Variants in SMC4 observed in about 807,000 individuals in gnomAD.
The protein encoded by SMC4 is structural maintenance of chromosomes protein 4.
A neutral mutation model predicts 145.6 loss-of-function variants in SMC4; 87 were observed. The ratio of observed to expected loss-of-function variants is 0.60; its 90% confidence interval spans 0.50 to 0.71. The LOEUF is 0.71. Ranked by LOEUF, SMC4 falls within the 30% of genes least tolerant of loss-of-function variation. The probability of loss-of-function intolerance (pLI) is 0.00; values close to 1 mark genes in which losing one functional copy is unlikely to be tolerated. For synonymous variants in SMC4, 558 were observed against 500.7 expected (o/e 1.11, Z -1.53); for missense variants, 1,447 against 1,537.1 (o/e 0.94, Z 0.98).
chr3:160,412,159 A>G, intron 6 of SMC4, 75 bp downstream of exon 6: 1 of 1,512,072 alleles, frequency 6.6e-7, no homozygotes, highest in East Asian at 2.3e-5. Flanking sequence ...TAAGTCAGAT[A>G]TTCATGTTAT....
At chr3:160,429,091 G>A (rs748160710) in intron 18 of SMC4, 149 bp downstream of exon 18, 11 of 647,564 alleles carry the variant, frequency 1.7e-5, no homozygotes, top group Non-Finnish European at 2.3e-5. Flanking sequence ...CTTCCATGAC[G>A]GAAAACCTAT....
At chr3:160,429,748 G>A (rs896974855) in intron 18 of SMC4, among the ~76,000 whole-genome samples, 15 of 134,302 alleles carry the variant, frequency 1.1e-4, no homozygotes, top group South Asian at 2.3e-4. Flanking sequence ...AGACAGTCTC[G>A]CTCTGCCATC....
chr3:160,412,354 A>G lies in SMC4; in HGVS notation c.881A>G (p.Glu294Gly), dbSNP rs1349679053. 1.2e-6 allele frequency: 2 copies of G among 1,600,544 alleles called. No homozygotes were observed. The highest frequency in any genetic ancestry group is 4.5e-5 in the East Asian group (2 of 44,668). Residue 294 changes from glutamate (E) to glycine (G), a missense_variant, in exon 7 of 24, where the codon GAA (glutamate) becomes GGA (glycine). Coordinates refer to ENST00000357388, the MANE Select transcript of SMC4 (RefSeq NM_001002800.3). ...KLNRVKMVEK[E>G]KDALEGEKNI... Reference sequence around the variant, plus strand: ...AACAGGGTAAAGATGGTGGAAAAGGAAAAGGATGCCTTAGAAGGAGAGAAA... The same window carrying G: ...AACAGGGTAAAGATGGTGGAAAAGGGAAAGGATGCCTTAGAAGGAGAGAAA...
chr3:160,423,374 TTTTC>T (rs1484303695), intron 13 of SMC4, 47 bp from the exon 14 acceptor site: 13 of 1,050,984 alleles, frequency 1.2e-5, no homozygotes, highest in South Asian at 2.1e-5. Context: ...TTTTTTTGAG[TTTTC>T]TTTTTTGTTA....
In SMC4 at chr3:160,431,110, C is replaced by CTT; in HGVS notation, c.3020_3021dup (p.Gln1008PhefsTer10). The CTT allele has an allele frequency of 6.2e-7, 1 of 1,607,726 alleles. No individual in the cohort carries two copies. Among genetic ancestry groups the CTT allele is most frequent in the East Asian group, 2.2e-5 (1 of 44,524 alleles). On this transcript the variant is annotated frameshift_variant, in exon 20 of 24. Transcript: ENST00000357388. LOFTEE classifies it high-confidence loss of function. ...AGTTATTCAAGAAAATGAACATGCT[C>CTT]TTCAAAAAGATGCACTTAGTATTAA...
At chr3:160,404,085 T>G in intron 4 of SMC4, 1 of 402,894 alleles carries the variant, frequency 2.5e-6, no homozygotes, top group Non-Finnish European at 4.4e-6. Flanking sequence ...GGTTTTTTCG[T>G]TGGCTGGTTG....
intron 12 of SMC4, among the ~76,000 whole-genome samples, chr3:160,419,886 C>T (rs1014059300): frequency 1.3e-5 from 2 of 152,080 alleles, no homozygotes; most frequent in Non-Finnish European, 2.9e-5. Context: ...AGAAGGATCA[C>T]TTGAGCCTAG....
Position 160,434,628 on chromosome 3 carries a change from G to A in SMC4, c.*819G>A, listed in dbSNP as rs1045072691. ...TAATTACTTTAGTAATAAGTGGAAA[G>A]TAAGATACCTTGAGTAATGTTTGCC... On this transcript the variant is annotated 3_prime_UTR_variant, in exon 24 of 24. Transcript: ENST00000357388. 1 of 152,206 alleles carries A rather than the reference G, an allele frequency of 6.6e-6. No homozygotes were observed. The highest frequency in any genetic ancestry group is 2.4e-5 in the African/African-American group (1 of 41,462). 9.4% of individuals were successfully genotyped at this position (152,206 alleles called of 1,614,324 possible).
chr3:160,418,341 T>A (rs1716804184), intron 11 of SMC4, among the ~76,000 whole-genome samples: 1 of 152,204 alleles, frequency 6.6e-6, no homozygotes, highest in Non-Finnish European at 1.5e-5. Flanking sequence ...AATTTATGGA[T>A]GTAGTTTCTT....
At chr3:160,413,194 A>G (rs1453952804) in intron 7 of SMC4, among the ~76,000 whole-genome samples, 1 of 151,586 alleles carries the variant, frequency 6.6e-6, no homozygotes, top group Admixed American at 6.6e-5. Context: ...ATGTTGCCCA[A>G]GCTGGTCTCA....
At chr3:160,411,796 C>T (rs552366792) in intron 5 of SMC4, 124 bp from the exon 6 acceptor site, 114 of 675,830 alleles carry the variant, frequency 1.7e-4, no homozygotes, top group Middle Eastern at 4.3e-4. Context: ...CATTGCACTA[C>T]TAACTGTACA....
Position 160,420,912 on chromosome 3 carries a change from G to C in SMC4, c.2019+11G>C. 1 of 1,584,318 alleles carries C rather than the reference G, an allele frequency of 6.3e-7. No homozygotes were observed. The highest frequency in any genetic ancestry group is 8.6e-7 in the Non-Finnish European group (1 of 1,166,592). Reference sequence around the variant, plus strand: ...ATAGGTTTAGATAAGGTGGGTATTCGTAATAACCTACCTATAATTGGAATT... The same window carrying C: ...ATAGGTTTAGATAAGGTGGGTATTCCTAATAACCTACCTATAATTGGAATT... On this transcript the variant is annotated intron_variant, in intron 13 of 23. Transcript: ENST00000357388.
chr3:160,410,295 A>G (rs767974018), intron 5 of SMC4, among the ~76,000 whole-genome samples: 12 of 152,210 alleles, frequency 7.9e-5, no homozygotes, highest in African/African-American at 2.9e-4. Context: ...GCTCTCCACA[A>G]CAAAGAATAT....
At chr3:160,413,448 C>CT (rs77742046) in intron 7 of SMC4, 25 bp from the exon 8 acceptor site, 84,099 of 1,083,372 alleles carry the variant, frequency 0.078, 1 homozygote, top group Non-Finnish European at 0.084. Context: ...GCTTCAATTT[C>CT]TTTTTTTTTT....
At chr3:160,422,975 T>C (rs1269962488) in intron 13 of SMC4, among the ~76,000 whole-genome samples, 1 of 152,224 alleles carries the variant, frequency 6.6e-6, no homozygotes, top group Non-Finnish European at 1.5e-5. Flanking sequence ...GGTTTATTTC[T>C]GGGCTTTCAG....
chr3:160,420,713 T>A lies in SMC4; in HGVS notation c.1858-27T>A, dbSNP rs577786072. 5 of 1,602,816 alleles carry A rather than the reference T, an allele frequency of 3.1e-6. No homozygotes were observed. The African/African-American group carries it at 6.7e-5, about 22-fold the overall frequency. On this transcript the variant is annotated intron_variant, in intron 12 of 23. Transcript: ENST00000357388. ...GGTCCTGTGCTTTTCTGCCTAACTCTTTTTTCACCCCACTCTTCATTATTA... is the reference window on the plus strand; with the variant it reads ...GGTCCTGTGCTTTTCTGCCTAACTCATTTTTCACCCCACTCTTCATTATTA...
Position 160,417,969 on chromosome 3 carries a change from T to G in SMC4, c.1671+13T>G, listed in dbSNP as rs1264466595. ...AGAATTAAAGGAGGTAAATCTTTGC[T>G]TCTCTGTTGCATCAGAACATCATTC... On this transcript the variant is annotated intron_variant, in intron 11 of 23. Coordinates refer to ENST00000357388, the MANE Select transcript of SMC4 (RefSeq NM_001002800.3). 7.5e-6 allele frequency: 12 copies of G among 1,591,020 alleles called. No individual in the cohort carries two copies. Among genetic ancestry groups the G allele is most frequent in the African/African-American group, 1.3e-5 (1 of 74,098 alleles).
intron 13 of SMC4, among the ~76,000 whole-genome samples, chr3:160,421,534 A>G (rs2108486626): frequency 6.6e-6 from 1 of 152,186 alleles, no homozygotes; most frequent in Non-Finnish European, 1.5e-5. Flanking sequence ...TCACGAGGTC[A>G]GGAGTTTGAG....
At chr3:160,424,823 T>C in intron 15 of SMC4, 44 bp from the exon 16 acceptor site, 7 of 1,608,224 alleles carry the variant, frequency 4.4e-6, no homozygotes, top group Non-Finnish European at 5.1e-6. Context: ...AAGTTGACTT[T>C]TCTGTCAATC....
Sources: gnomAD v4.1 joint callset for allele counts (sites outside exome capture counted in the v4.1 genomes callset) on GRCh38, gnomAD v4.1.1 for gene constraint, MANE v1.5 for transcripts, NCBI Gene and HGNC (gene_info 2026-07-23, HGNC 2026-07-21) for gene names.